The following TMEM161A variants were observed in gnomAD, a reference collection of about 807,000 sequenced individuals.
TMEM161A encodes transmembrane protein 161A.
In TMEM161A, 46 loss-of-function variants were observed where a neutral mutation model predicts 57.1. That is an observed-to-expected ratio of 0.81 (90% CI 0.64 to 1.03). TMEM161A has a LOEUF of 1.03. Among genes scored for constraint, TMEM161A ranks in the 50% least tolerant of loss-of-function variants. TMEM161A has a pLI of 0.00. For missense variants in TMEM161A, 601 were observed against 621.5 expected, an observed-to-expected ratio of 0.97 and a Z score of 0.35; for synonymous variants, 288 against 279.0, an observed-to-expected ratio of 1.03 and a Z score of -0.32.
At position 19,132,326 on chromosome 19, in the gene TMEM161A, T is replaced by G; in HGVS notation, c.443+26A>C. On this transcript the variant is annotated intron_variant, in intron 5 of 11. Coordinates refer to ENST00000162044, the MANE Select transcript of TMEM161A (RefSeq NM_017814.3). This position sits in a 1 kb window ranked among gnomAD's most constrained non-coding sequence, Gnocchi z 4.3. ...CAGGTCCTGCTCCCACCCGCCCCACTGGCAGGGAGCAGAGAGGAAGGATAC... is the reference window on the plus strand; with the variant it reads ...CAGGTCCTGCTCCCACCCGCCCCACGGGCAGGGAGCAGAGAGGAAGGATAC... The G allele has an allele frequency of 6.3e-7, 1 of 1,597,454 alleles. No individual in the cohort carries two copies. Among genetic ancestry groups the G allele is most frequent in the Non-Finnish European group, 8.5e-7 (1 of 1,170,922 alleles).
Position 19,121,668 on chromosome 19 carries a change from C to T in TMEM161A, c.657G>A (p.Ala219=). Residue 219 remains alanine (A), a splice_region_variant and synonymous_variant, in exon 8 of 12, where the codon GCG becomes GCA. Coordinates refer to ENST00000162044, the MANE Select transcript of TMEM161A (RefSeq NM_017814.3). The surrounding 1 kb of genome is among the most constrained non-coding windows in gnomAD (Gnocchi z 5.8). ...GGATAGCCAGCTTGGCCACAGGAAG[C>T]CTAGGAGAACACCAGGTCACGAGCC... ...PLLKKQGWDW[A]LPVAKLAIRV... 1.2e-6 allele frequency: 2 copies of T among 1,613,440 alleles called. No homozygotes were observed. The highest frequency in any genetic ancestry group is 1.7e-6 in the Non-Finnish European group (2 of 1,179,520).
chr19:19,131,559 CTT>C (rs376729144), intron 5 of TMEM161A, among the ~76,000 whole-genome samples: 138 of 151,998 alleles, frequency 9.1e-4, no homozygotes, highest in African/African-American at 3.2e-3. Context: ...TAGTTTCGCT[CTT>C]GTCACCCAGG....
chr19:19,135,375 C>CACCT lies in TMEM161A; in HGVS notation c.4-492_4-489dup, dbSNP rs1161363306. 5.3e-5 allele frequency among the ~76,000 whole-genome samples: 8 copies of CACCT among 152,174 alleles called. No individual in the cohort carries two copies. In the East Asian group the frequency reaches 1.2e-3, roughly 22 times the overall value. On this transcript the variant is annotated intron_variant, in intron 1 of 11. Coordinates refer to ENST00000162044, the MANE Select transcript of TMEM161A (RefSeq NM_017814.3). ...CGGTTGAGCTTCTAGCTTTCTCCTT[C>CACCT]ACCTGGTAGCTCCTTCCCCTAAGTG... is the stretch of plus-strand genomic sequence containing the variant.
chr19:19,127,367 C>G (rs1056686004), intron 6 of TMEM161A, among the ~76,000 whole-genome samples: 1 of 146,312 alleles, frequency 6.8e-6, no homozygotes, highest in African/African-American at 2.5e-5. Flanking sequence ...TCACCCAGGC[C>G]GGAGTGCAGT....
intron 11 of TMEM161A, 30 bp downstream of exon 11, chr19:19,120,735 C>T (rs753154914): frequency 6.2e-6 from 10 of 1,605,416 alleles, no homozygotes; most frequent in Non-Finnish European, 8.5e-6. Flanking sequence ...AACTCCGCCC[C>T]TCCTCCACCC....
intron 10 of TMEM161A, 22 bp downstream of exon 10, chr19:19,120,970 T>C: frequency 1.2e-6 from 2 of 1,607,474 alleles, no homozygotes; most frequent in Non-Finnish European, 1.7e-6. Context: ...CCCTCTGGCC[T>C]AGGTCATCGG....
At position 19,121,771 on chromosome 19, in the gene TMEM161A, C is replaced by G; in HGVS notation, c.644G>C (p.Gly215Ala). 6.2e-7 allele frequency: 1 copy of G among 1,614,044 alleles called. No individual in the cohort carries two copies. The highest frequency in any genetic ancestry group is 2.2e-5 in the East Asian group (1 of 44,868). Reference protein sequence around the residue: ...QNLEPLLKKQGWDWALPVAKL... With the variant: ...QNLEPLLKKQAWDWALPVAKL... ...TCCCAGGACTCACGCCCAGTCCCAG[C>G]CCTGCTTCTTCAGAAGTGGCTCTAA... The change falls in exon 7 of 12, where the codon GGC becomes GCC. Residue 215 changes from glycine to alanine, a missense_variant. Transcript: ENST00000162044. The surrounding 1 kb of genome is among the most constrained non-coding windows in gnomAD (Gnocchi z 5.8).
rs1476624913 is a variant in TMEM161A at position 19,121,840 on chromosome 19, A to C, written c.596-21T>G. 1 of 1,613,162 alleles carries C rather than the reference A, an allele frequency of 6.2e-7. No individual in the cohort carries two copies. Among genetic ancestry groups the C allele is most frequent in the Non-Finnish European group, 8.5e-7 (1 of 1,179,868 alleles). ...CAGACCTGGGGACGATAAGAAGAGGACCGAGTAGAGTGAATTCCTAGGGTC... is the reference window on the plus strand; with the variant it reads ...CAGACCTGGGGACGATAAGAAGAGGCCCGAGTAGAGTGAATTCCTAGGGTC... On this transcript the variant is annotated intron_variant, in intron 6 of 11. Coordinates refer to ENST00000162044, the MANE Select transcript of TMEM161A (RefSeq NM_017814.3). This position sits in a 1 kb window ranked among gnomAD's most constrained non-coding sequence, Gnocchi z 5.8.
chr19:19,129,917 A>G (rs1434654400), intron 6 of TMEM161A, among the ~76,000 whole-genome samples: 1 of 151,178 alleles, frequency 6.6e-6, no homozygotes, highest in African/African-American at 2.4e-5. Context: ...AAAAAAAAAG[A>G]AAAAAAAAGA....
At chr19:19,124,965 A>G (rs956234268) in intron 6 of TMEM161A, among the ~76,000 whole-genome samples, 1 of 152,094 alleles carries the variant, frequency 6.6e-6, no homozygotes, top group Non-Finnish European at 1.5e-5. Flanking sequence ...CAAAACAAAA[A>G]CAAAAACAAA....
chr19:19,122,728 A>T (rs2059916324), intron 6 of TMEM161A, among the ~76,000 whole-genome samples: 1 of 144,640 alleles, frequency 6.9e-6, no homozygotes, highest in Admixed American at 7.5e-5. Flanking sequence ...GTGAGCTGAG[A>T]TCATGCCACT....
intron 11 of TMEM161A, among the ~76,000 whole-genome samples, chr19:19,120,501 A>G (rs551311989): frequency 6.8e-6 from 1 of 146,000 alleles, no homozygotes; most frequent in East Asian, 2.0e-4. Flanking sequence ...CCTCCTGCTC[A>G]GACCCTGCCT....
intron 2 of TMEM161A, among the ~76,000 whole-genome samples, chr19:19,133,970 C>T (rs1489918475): frequency 6.6e-6 from 1 of 151,766 alleles, no homozygotes; most frequent in African/African-American, 2.4e-5. Context: ...AGGGTCTTGC[C>T]ATGTTGCCCA....
chr19:19,134,853 A>C lies in TMEM161A; in HGVS notation c.38T>G (p.Leu13Arg). ...VLGVQLVVTL[L>R]TATLMHRLAP... ...CAGCCTGTGCATGAGGGTGGCAGTG[A>C]GCAGGGTCACCACCAGCTGTACTCC... The change falls in exon 2 of 12, where the codon CTC (leucine) becomes CGC (arginine). Residue 13 changes from leucine to arginine, a missense_variant. Physicochemically the swap from Leu to Arg is moderately radical, Grantham distance 102. Coordinates refer to ENST00000162044, the MANE Select transcript of TMEM161A (RefSeq NM_017814.3). The C allele has an allele frequency of 7.5e-6, 12 of 1,598,576 alleles. No individual in the cohort carries two copies. Among genetic ancestry groups the C allele is most frequent in the Non-Finnish European group, 1.0e-5 (12 of 1,173,232 alleles).
Position 19,120,930 on chromosome 19 carries a change from G to A in TMEM161A, c.1089+62C>T, listed in dbSNP as rs943649326. Reference sequence around the variant, plus strand: ...GTTTGGGACGACTCCACGCCCAAAGGACCAGGAACCCCACCCTGAGCCCCA... The same window carrying A: ...GTTTGGGACGACTCCACGCCCAAAGAACCAGGAACCCCACCCTGAGCCCCA... On this transcript the variant is annotated intron_variant, in intron 10 of 11. Transcript: ENST00000162044. 10 of 1,610,830 alleles carry A rather than the reference G, an allele frequency of 6.2e-6. No individual in the cohort carries two copies. The Admixed American group carries it at 8.3e-5, about 13-fold the overall frequency.
Position 19,119,937 on chromosome 19 carries a change from C to A in TMEM161A, c.1433G>T (p.Gly478Val). The part of the protein sequence containing the change: ...FGLYFHQHLA[G>V]S ...AGGAGGGTCTGCAGGCAGCTAGGAG[C>A]CTGCCAAGTGCTGGTGGAAGTAGAG... is the stretch of plus-strand genomic sequence containing the variant. The change falls in exon 12 of 12, where the codon GGC (glycine) becomes GTC (valine). Residue 478 changes from glycine to valine, a missense_variant. Gly to Val is a moderately radical substitution (Grantham distance 109). Transcript: ENST00000162044. 6.4e-7 allele frequency: 1 copy of A among 1,556,006 alleles called. No homozygotes were observed.
Position 19,134,840 on chromosome 19 carries a change from G to C in TMEM161A, c.51C>G (p.Leu17=), listed in dbSNP as rs762636985. The change falls in exon 2 of 12, where the codon CTC becomes CTG. Residue 17 remains leucine, a synonymous_variant. Coordinates refer to ENST00000162044, the MANE Select transcript of TMEM161A (RefSeq NM_017814.3). ...AGCAGTGTGGCGCCAGCCTGTGCAT[G>C]AGGGTGGCAGTGAGCAGGGTCACCA... The part of the protein sequence containing the change: ...QLVVTLLTAT[L]MHRLAPHCSF... 26 of 1,599,510 alleles carry C rather than the reference G, an allele frequency of 1.6e-5. No individual in the cohort carries two copies. The highest frequency in any genetic ancestry group is 2.3e-5 in the East Asian group (1 of 43,970).
rs1294235362 is a variant in TMEM161A at position 19,130,143 on chromosome 19, G to A, written c.595+13C>T. On this transcript the variant is annotated intron_variant, in intron 6 of 11. Transcript: ENST00000162044. ...GACAGCTGCGGTGGCCCCACGTTGGGGGCTGCACTTACCAGGCTCCAGGCC... is the reference window on the plus strand; with the variant it reads ...GACAGCTGCGGTGGCCCCACGTTGGAGGCTGCACTTACCAGGCTCCAGGCC... 1.9e-6 allele frequency: 3 copies of A among 1,612,100 alleles called. No individual in the cohort carries two copies. In the African/African-American group the frequency reaches 4.0e-5, roughly 22 times the overall value.
rs1459799394 is a variant in TMEM161A at position 19,121,948 on chromosome 19, G to T, written c.596-129C>A. On this transcript the variant is annotated intron_variant, in intron 6 of 11. Coordinates refer to ENST00000162044, the MANE Select transcript of TMEM161A (RefSeq NM_017814.3). The surrounding 1 kb of genome is among the most constrained non-coding windows in gnomAD (Gnocchi z 5.8). ...GTAGGAATGAACAAGGGTCTGCCAGGCCCTGAGCCAGGCACAAGGACAATT... is the reference window on the plus strand; with the variant it reads ...GTAGGAATGAACAAGGGTCTGCCAGTCCCTGAGCCAGGCACAAGGACAATT... The T allele has an allele frequency of 3.0e-6, 3 of 1,014,526 alleles. No individual in the cohort carries two copies. Among genetic ancestry groups the T allele is most frequent in the Non-Finnish European group, 4.3e-6 (3 of 698,070 alleles). 62.8% of individuals were successfully genotyped at this position (1,014,526 alleles called of 1,614,324 possible).
Sources: gnomAD v4.1 joint callset for allele counts (sites outside exome capture counted in the v4.1 genomes callset) on GRCh38, gnomAD v4.1.1 for gene constraint, Gnocchi (gnomAD v3.1) non-coding constraint, MANE v1.5 for transcripts, NCBI Gene and HGNC (gene_info 2026-07-23, HGNC 2026-07-21) for gene names.